Variants in CTNNA3 observed in about 807,000 individuals in gnomAD.
CTNNA3 encodes catenin alpha 3.
Under a neutral mutation model 95.7 loss-of-function variants are expected in CTNNA3, and 76 were observed. That is an observed-to-expected ratio of 0.79 (90% CI 0.66 to 0.96). The LOEUF is 0.96. CTNNA3 is among the 40% of genes least tolerant of loss of function. The pLI, the probability that CTNNA3 is intolerant of heterozygous loss-of-function variation, is 0.00. For missense variants in CTNNA3, 1,191 were observed against 1,089.8 expected (o/e 1.09, Z -1.31); for synonymous variants, 431 against 374.4 (o/e 1.15, Z -1.74).
At chr10:66,582,573 T>C (rs543101883) in intron 10 of CTNNA3, among the ~76,000 whole-genome samples, 8 of 151,966 alleles carry the variant, frequency 5.3e-5, no homozygotes, top group Admixed American at 5.3e-4. Flanking sequence ...TAAGATTATA[T>C]CATTGGCAAA....
intron 7 of CTNNA3, among the ~76,000 whole-genome samples, chr10:66,805,084 T>C (rs12265146): frequency 0.042 from 6,408 of 152,174 alleles, 454 homozygotes; most frequent in African/African-American, 0.15. Context: ...CAAGATTCCC[T>C]GGTGATAACA....
chr10:66,053,580 C>A (rs775049693), intron 15 of CTNNA3, among the ~76,000 whole-genome samples: 5 of 151,824 alleles, frequency 3.3e-5, no homozygotes, highest in Non-Finnish European at 7.4e-5. Context: ...AATAGTAGGT[C>A]TTATTCATTC....
chr10:67,681,195 ATAT>A lies in CTNNA3; in HGVS notation c.-6+14802_-6+14804del, dbSNP rs139717532. The stretch of plus-strand genomic sequence containing the variant: ...AATGTTAAAATTCATCTAGAAATAA[ATAT>A]TATGTGATTACATCTAGGAAAATCC... On this transcript the variant is annotated intron_variant, in intron 1 of 17. Transcript: ENST00000433211. Among the ~76,000 whole-genome samples, 944 of 152,296 alleles carry A rather than the reference ATAT, an allele frequency of 6.2e-3. 10 individuals are homozygous for A. The highest frequency in any genetic ancestry group is 0.022 in the African/African-American group (899 of 41,574).
At chr10:66,814,385 T>C (rs1046184275) in intron 7 of CTNNA3, among the ~76,000 whole-genome samples, 36 of 152,144 alleles carry the variant, frequency 2.4e-4, no homozygotes, top group African/African-American at 8.0e-4. Context: ...TAGCATTTCA[T>C]TTAGGGGTCA....
intron 5 of CTNNA3, among the ~76,000 whole-genome samples, chr10:67,404,391 A>G (rs1019356932): frequency 1.3e-5 from 2 of 152,050 alleles, no homozygotes; most frequent in Admixed American, 6.6e-5. Context: ...AAAAAAACAC[A>G]ACAAGAACTT....
At chr10:66,064,246 G>A (rs2080268768) in intron 15 of CTNNA3, among the ~76,000 whole-genome samples, 1 of 152,098 alleles carries the variant, frequency 6.6e-6, no homozygotes, top group Admixed American at 6.6e-5. Flanking sequence ...CAGCATGGGG[G>A]AAACTGACGC....
At chr10:67,363,877 C>A (rs1414455652) in intron 5 of CTNNA3, among the ~76,000 whole-genome samples, 1 of 152,134 alleles carries the variant, frequency 6.6e-6, no homozygotes, top group African/African-American at 2.4e-5. Context: ...ATATTCACAG[C>A]CAAACTCTTC....
At chr10:66,887,929 C>T (rs936200054) in intron 7 of CTNNA3, among the ~76,000 whole-genome samples, 1 of 152,124 alleles carries the variant, frequency 6.6e-6, no homozygotes, top group Non-Finnish European at 1.5e-5. Flanking sequence ...AATAACAGCC[C>T]TCCAGAGATG....
intron 1 of CTNNA3, among the ~76,000 whole-genome samples, chr10:67,712,127 AC>A (rs1469176643): frequency 6.6e-6 from 1 of 152,194 alleles, no homozygotes; most frequent in Non-Finnish European, 1.5e-5. Flanking sequence ...AAGACTTGGA[AC>A]CAACCCAAAT....
intron 9 of CTNNA3, among the ~76,000 whole-genome samples, chr10:66,656,765 A>G (rs1846086610): frequency 1.3e-5 from 2 of 152,100 alleles, no homozygotes; most frequent in South Asian, 4.1e-4. Flanking sequence ...AATTGCTTCC[A>G]GGGCTATAAT....
At chr10:67,579,026 TATATATACACAC>T (rs1842275306) in intron 3 of CTNNA3, among the ~76,000 whole-genome samples, 2 of 88,564 alleles carry the variant, frequency 2.3e-5, no homozygotes, top group African/African-American at 4.3e-5. Flanking sequence ...TATATATATA[TATATATACACAC>T]ACACACATAT....
intron 7 of CTNNA3, among the ~76,000 whole-genome samples, chr10:66,936,395 C>T (rs1047583908): frequency 6.6e-6 from 1 of 151,982 alleles, no homozygotes; most frequent in African/African-American, 2.4e-5. Flanking sequence ...CTAAGTTTGC[C>T]ATCACATTCT....
chr10:65,966,653 C>T lies in CTNNA3; in HGVS notation c.2359G>A (p.Ala787Thr). The T allele has an allele frequency of 6.2e-7, 1 of 1,613,944 alleles. No homozygotes were observed. The highest frequency in any genetic ancestry group is 1.3e-5 in the African/African-American group (1 of 75,036). Residue 787 changes from alanine to threonine, a missense_variant, in exon 17 of 18, where the codon GCT becomes ACT. Ala to Thr is a moderately conservative substitution (Grantham distance 58, BLOSUM62 0). Transcript: ENST00000433211. Reference protein sequence around the residue: ...HQLKICSQVKAEIQNLGGELI... With the variant: ...HQLKICSQVKTEIQNLGGELI... ...TCTCCTCCCAGGTTCTGGATCTCAGCTTTAACTTGACTGCAGATTTTCAGT... is the reference window on the plus strand; with the variant it reads ...TCTCCTCCCAGGTTCTGGATCTCAGTTTTAACTTGACTGCAGATTTTCAGT...
intron 11 of CTNNA3, among the ~76,000 whole-genome samples, chr10:66,382,310 A>T (rs1188353958): frequency 1.3e-5 from 2 of 152,180 alleles, no homozygotes; most frequent in Admixed American, 1.3e-4. Context: ...TCCCATGCCC[A>T]TGGAGCCTTG....
intron 9 of CTNNA3, among the ~76,000 whole-genome samples, chr10:66,648,324 T>C (rs1845778176): frequency 1.3e-5 from 2 of 152,118 alleles, no homozygotes; most frequent in African/African-American, 4.8e-5. Flanking sequence ...CTGCGGGAAA[T>C]CACTCTGGCC....
chr10:66,942,571 TCTC>T (rs1848056409), intron 7 of CTNNA3, among the ~76,000 whole-genome samples: 1 of 151,840 alleles, frequency 6.6e-6, no homozygotes, highest in Non-Finnish European at 1.5e-5. Flanking sequence ...TCTCTCTCTC[TCTC>T]TCTGTGTGTG....
chr10:67,643,583 G>A (rs1402622979), intron 2 of CTNNA3, among the ~76,000 whole-genome samples: 2 of 151,430 alleles, frequency 1.3e-5, no homozygotes, highest in East Asian at 2.0e-4. Flanking sequence ...TATGCAGAAC[G>A]TGCAGGTTTG....
intron 1 of CTNNA3, among the ~76,000 whole-genome samples, chr10:67,755,819 A>AAAAAAAAAAAAG (rs1554881122): frequency 1.0e-4 from 15 of 145,132 alleles, no homozygotes; most frequent in Non-Finnish European, 1.9e-4. Flanking sequence ...AAAAAAAAAA[A>AAAAAAAAAAAAG]AAAGAAAGAA....
chr10:66,219,110 C>A (rs1184416537), intron 13 of CTNNA3, among the ~76,000 whole-genome samples: 1 of 152,124 alleles, frequency 6.6e-6, no homozygotes, highest in Admixed American at 6.5e-5. Context: ...CGTACTGGAG[C>A]TTTACCTACA....
Sources: gnomAD v4.1 joint callset for allele counts (sites outside exome capture counted in the v4.1 genomes callset) on GRCh38, gnomAD v4.1.1 for gene constraint, MANE v1.5 for transcripts, NCBI Gene and HGNC (gene_info 2026-07-23, HGNC 2026-07-21) for gene names.